The following FARP2 variants were observed in gnomAD, a reference collection of about 807,000 sequenced individuals.
FARP2 encodes the protein FERM, ARH/RhoGEF and pleckstrin domain protein 2.
FARP2 carries 111 observed loss-of-function variants against 130.5 expected under a neutral mutation model. The observed-to-expected ratio is 0.85, with a 90% CI of 0.73 to 1.00. The LOEUF (loss-of-function observed/expected upper bound fraction) is 1.00. FARP2 is among the 50% of genes least tolerant of loss of function. The pLI, the probability that FARP2 is intolerant of heterozygous loss-of-function variation, is 0.00. For synonymous variants in FARP2, 504 were observed against 516.9 expected (o/e 0.98, Z 0.34); for missense variants, 1,385 against 1,346.3 (o/e 1.03, Z -0.45).
At position 241,463,888 on chromosome 2, in the gene FARP2, T is replaced by C. The variant is rs2064094956; in HGVS notation, c.1812-11T>C. 2 of 1,612,220 alleles carry C rather than the reference T, an allele frequency of 1.2e-6. No individual in the cohort carries two copies. The highest frequency in any genetic ancestry group is 1.7e-6 in the Non-Finnish European group (2 of 1,178,574). On this transcript the variant is annotated splice_polypyrimidine_tract_variant and intron_variant, in intron 16 of 26. Coordinates refer to ENST00000264042, the MANE Select transcript of FARP2 (RefSeq NM_014808.4). The stretch of plus-strand genomic sequence containing the variant: ...ACCATGTTTAGGATGACTTTGTTTC[T>C]TTTTACTCAGGGAAGGGCCCTCCAA...
At chr2:241,437,260 C>G (rs561418747) in intron 12 of FARP2, among the ~76,000 whole-genome samples, 5 of 152,274 alleles carry the variant, frequency 3.3e-5, no homozygotes, top group African/African-American at 9.6e-5. Context: ...TATATCAAAA[C>G]AAAGATACAC....
intron 8 of FARP2, among the ~76,000 whole-genome samples, chr2:241,418,474 GT>G (rs1276217800): frequency 6.7e-6 from 1 of 148,556 alleles, no homozygotes; most frequent in Non-Finnish European, 1.5e-5. Flanking sequence ...CCACAACCCT[GT>G]TTTTTTTCCA....
chr2:241,356,702 C>T (rs2061075619), intron 1 of FARP2, among the ~76,000 whole-genome samples: 1 of 151,528 alleles, frequency 6.6e-6, no homozygotes, highest in African/African-American at 2.4e-5. Context: ...GGCTGTAGAC[C>T]GGGGAGTGTC....
rs767692663 is a variant in FARP2, at chr2:241,463,406, C to T, written c.1749C>T (p.Ile583=). 16 of 1,613,974 alleles carry T rather than the reference C, an allele frequency of 9.9e-6. No individual in the cohort carries two copies. Among genetic ancestry groups the T allele is most frequent in the African/African-American group, 4.0e-5 (3 of 74,916 alleles). The part of the protein sequence containing the change: ...ATLMTLLFSN[I]DPIYEFHRGF... ...TGATGACGCTGCTCTTCTCCAACAT[C>T]GATCCCATCTATGAGTTCCACAGAG... The change falls in exon 16 of 27, where the codon ATC becomes ATT. Residue 583 remains isoleucine (I), a synonymous_variant. Transcript: ENST00000264042.
At chr2:241,457,899 C>T (rs565093939) in intron 14 of FARP2, among the ~76,000 whole-genome samples, 8 of 152,156 alleles carry the variant, frequency 5.3e-5, no homozygotes, top group South Asian at 2.1e-4. Context: ...TGTTGTGGCA[C>T]GGGGAGGGGG....
chr2:241,419,822 G>A (rs1378960115), intron 8 of FARP2, among the ~76,000 whole-genome samples: 1 of 152,178 alleles, frequency 6.6e-6, no homozygotes, highest in Admixed American at 6.5e-5. Context: ...AGCCTTGTTT[G>A]TGATAGTAAA....
At chr2:241,365,765 A>T (rs75031927) in intron 1 of FARP2, among the ~76,000 whole-genome samples, 2 of 152,020 alleles carry the variant, frequency 1.3e-5, no homozygotes, top group Non-Finnish European at 2.9e-5. Flanking sequence ...GTCTTGATTT[A>T]CAGTTAAGAC....
At chr2:241,403,391 T>A (rs1308964358) in intron 2 of FARP2, among the ~76,000 whole-genome samples, 1 of 152,008 alleles carries the variant, frequency 6.6e-6, no homozygotes, top group East Asian at 1.9e-4. Flanking sequence ...ATTTTTTAAT[T>A]TGGGTAGAGG....
intron 6 of FARP2, among the ~76,000 whole-genome samples, chr2:241,412,550 C>T (rs1169071000): frequency 6.6e-6 from 1 of 152,086 alleles, no homozygotes; most frequent in Non-Finnish European, 1.5e-5. Flanking sequence ...AATTATTGAA[C>T]TTTATGTTAT....
At chr2:241,489,017 C>G (rs1359077873) in intron 21 of FARP2, 1 of 152,226 alleles carries the variant, frequency 6.6e-6, no homozygotes, top group Non-Finnish European at 1.5e-5. Flanking sequence ...TGGACAAATT[C>G]CTTACAAAAA....
chr2:241,486,660 C>T (rs1358958002), intron 21 of FARP2, among the ~76,000 whole-genome samples: 2 of 152,094 alleles, frequency 1.3e-5, no homozygotes, highest in South Asian at 2.1e-4. Flanking sequence ...TGTCACTGGA[C>T]GCTTGGCTGT....
intron 9 of FARP2, among the ~76,000 whole-genome samples, chr2:241,433,309 C>G (rs1000697080): frequency 6.6e-6 from 1 of 152,152 alleles, no homozygotes; most frequent in Non-Finnish European, 1.5e-5. Flanking sequence ...CAAAGTATTA[C>G]AGTCTTTGTG....
At chr2:241,488,421 T>TC (rs2064811673) in intron 21 of FARP2, 1 of 150,148 alleles carries the variant, frequency 6.7e-6, no homozygotes, top group Non-Finnish European at 1.5e-5. Flanking sequence ...TTTTGGTTTT[T>TC]TTTTTTTTTT....
At chr2:241,426,256 G>A (rs567528670) in intron 8 of FARP2, among the ~76,000 whole-genome samples, 1 of 152,302 alleles carries the variant, frequency 6.6e-6, no homozygotes, top group African/African-American at 2.4e-5. Flanking sequence ...GTGTGGAAGA[G>A]TGTTAACTAG....
At chr2:241,492,637 T>TCTCTTCTG in intron 24 of FARP2, 1 of 334,506 alleles carries the variant, frequency 3.0e-6, no homozygotes, top group Non-Finnish European at 5.5e-6. Context: ...AGGTATCTTC[T>TCTCTTCTG]CTCTTCTGGC....
chr2:241,407,053 C>T (rs2062378338), intron 4 of FARP2, among the ~76,000 whole-genome samples: 1 of 152,090 alleles, frequency 6.6e-6, no homozygotes, highest in Admixed American at 6.5e-5. Flanking sequence ...TGTGATCCGC[C>T]CCCCTCAGCC....
intron 21 of FARP2, chr2:241,488,889 G>C (rs1158873365): frequency 6.6e-6 from 1 of 152,180 alleles, no homozygotes; most frequent in Non-Finnish European, 1.5e-5. Flanking sequence ...CATTAGTGGT[G>C]TCATATGAGA....
chr2:241,426,923 G>A (rs567394197), intron 8 of FARP2, among the ~76,000 whole-genome samples: 5 of 152,132 alleles, frequency 3.3e-5, no homozygotes, highest in Non-Finnish European at 7.4e-5. Context: ...CTCCATATCC[G>A]CAGGAAAATA....
chr2:241,406,906 C>T (rs980628955), intron 4 of FARP2, among the ~76,000 whole-genome samples: 6 of 152,144 alleles, frequency 3.9e-5, no homozygotes, highest in Non-Finnish European at 7.3e-5. Flanking sequence ...CTCCCGGGTT[C>T]ACGCCATTGT....
Sources: allele counts gnomAD v4.1 joint callset (sites outside exome capture counted in the v4.1 genomes callset), GRCh38; gene constraint gnomAD v4.1.1; transcripts MANE v1.5; gene names NCBI Gene and HGNC (gene_info 2026-07-23, HGNC 2026-07-21).